The following ATP8B4 variants were observed in gnomAD, a reference collection of about 807,000 sequenced individuals.
ATP8B4 encodes the protein probable phospholipid-transporting ATPase IM.
ATP8B4 carries 133 observed loss-of-function variants against 145.6 expected under a neutral mutation model. The observed-to-expected ratio is 0.91, with a 90% CI of 0.79 to 1.05. ATP8B4 has a LOEUF of 1.05. Among genes scored for constraint, ATP8B4 ranks in the 50% least tolerant of loss-of-function variants. The pLI, the probability that ATP8B4 is intolerant of heterozygous loss-of-function variation, is 0.00. For synonymous variants in ATP8B4, 507 were observed against 492.9 expected, an observed-to-expected ratio of 1.03 and a Z score of -0.38; for missense variants, 1,458 against 1,425.2, an observed-to-expected ratio of 1.02 and a Z score of -0.37.
At chr15:50,087,570 T>A (rs115453169) in intron 2 of ATP8B4, among the ~76,000 whole-genome samples, 379 of 151,644 alleles carry the variant, frequency 2.5e-3, no homozygotes, top group African/African-American at 8.7e-3. Context: ...TCTTTTTTCA[T>A]GGGGATTTCA....
chr15:50,120,254 C>T (rs1048567366), upstream of ATP8B4, among the ~76,000 whole-genome samples: 9 of 152,148 alleles, frequency 5.9e-5, no homozygotes, highest in Non-Finnish European at 1.3e-4. Context: ...GGGCCTTTTC[C>T]TACCAAGGTT....
At chr15:49,930,089 A>C (rs949642948) in intron 16 of ATP8B4, among the ~76,000 whole-genome samples, 1 of 152,092 alleles carries the variant, frequency 6.6e-6, no homozygotes, top group Non-Finnish European at 1.5e-5. Flanking sequence ...GGCTGAAGGA[A>C]GGAGCCAGTA....
intron 13 of ATP8B4, 29 bp downstream of exon 13, chr15:49,972,553 C>T (rs762317353): frequency 2.5e-6 from 4 of 1,588,274 alleles, no homozygotes; most frequent in African/African-American, 2.7e-5. Context: ...TTAACAATAT[C>T]GTTAAGAGAA....
chr15:50,085,346 TCA>T (rs562308415), intron 2 of ATP8B4, among the ~76,000 whole-genome samples: 99 of 152,272 alleles, frequency 6.5e-4, no homozygotes, highest in Non-Finnish European at 1.1e-3. Context: ...GTTCCTTCCA[TCA>T]CACTTTGCCT....
chr15:50,144,534 C>A (rs1198692738), intron 1 of ATP8B4, among the ~76,000 whole-genome samples: 2 of 152,102 alleles, frequency 1.3e-5, no homozygotes, highest in Admixed American at 1.3e-4. Flanking sequence ...ACTTACAAAA[C>A]CATCAGATCA....
chr15:49,934,998 C>G (rs1212419648), intron 14 of ATP8B4, among the ~76,000 whole-genome samples: 1 of 150,322 alleles, frequency 6.7e-6, no homozygotes, highest in Non-Finnish European at 1.5e-5. Flanking sequence ...ACTGCATTAA[C>G]TTTTGCAATT....
At chr15:49,953,218 G>A (rs1283165616) in intron 14 of ATP8B4, among the ~76,000 whole-genome samples, 5 of 152,050 alleles carry the variant, frequency 3.3e-5, no homozygotes, top group Admixed American at 3.3e-4. Flanking sequence ...CCCATTTAAC[G>A]AAGCACTTTG....
intron 1 of ATP8B4, among the ~76,000 whole-genome samples, chr15:50,179,368 G>A (rs1474061953): frequency 1.3e-5 from 2 of 152,122 alleles, no homozygotes; most frequent in East Asian, 1.9e-4. Flanking sequence ...AAAGGAGTCA[G>A]GCAGAAGCCA....
intron 3 of ATP8B4, among the ~76,000 whole-genome samples, chr15:50,050,401 A>G (rs1286106437): frequency 3.9e-5 from 6 of 152,240 alleles, no homozygotes; most frequent in Non-Finnish European, 8.8e-5. Context: ...TACATAAATC[A>G]CTATTAAATC....
intron 1 of ATP8B4, among the ~76,000 whole-genome samples, chr15:50,130,563 T>G (rs188548193): frequency 1.3e-3 from 201 of 151,842 alleles, no homozygotes; most frequent in Non-Finnish European, 2.4e-3. Flanking sequence ...GATCACAAGG[T>G]CAGGAGATCG....
chr15:50,075,298 AG>A lies in ATP8B4; in HGVS notation c.29-1114del, dbSNP rs201542179. On this transcript the variant is annotated intron_variant, in intron 2 of 27. Coordinates refer to ENST00000284509, the MANE Select transcript of ATP8B4 (RefSeq NM_024837.4). ...AGATGAAGAGGGAGAGAAGGAAGGA[AG>A]GAATATATTTCAGCACCCACCTCTT... is the stretch of plus-strand genomic sequence containing the variant. Among the ~76,000 whole-genome samples, 62 of 152,098 alleles carry A rather than the reference AG, an allele frequency of 4.1e-4. No homozygotes were observed. In the East Asian group the frequency reaches 0.01, roughly 25 times the overall value.
chr15:49,973,495 G>A (rs1337164353), intron 12 of ATP8B4, among the ~76,000 whole-genome samples: 1 of 152,174 alleles, frequency 6.6e-6, no homozygotes, highest in South Asian at 2.1e-4. Context: ...TTTGCCAAAA[G>A]AGATAGAAAA....
intron 7 of ATP8B4, among the ~76,000 whole-genome samples, chr15:50,010,249 T>C (rs947625672): frequency 6.6e-6 from 1 of 152,130 alleles, no homozygotes; most frequent in African/African-American, 2.4e-5. Flanking sequence ...GTTAGTTGCA[T>C]ATATTTTAGT....
intron 1 of ATP8B4, among the ~76,000 whole-genome samples, chr15:50,145,571 G>A (rs1359917606): frequency 6.6e-6 from 1 of 152,164 alleles, no homozygotes; most frequent in Non-Finnish European, 1.5e-5. Context: ...TATTCTTGGA[G>A]TGTTACTGCC....
chr15:50,050,100 C>T (rs937209127), intron 3 of ATP8B4, among the ~76,000 whole-genome samples: 4 of 152,198 alleles, frequency 2.6e-5, no homozygotes, highest in African/African-American at 9.6e-5. Flanking sequence ...CTGACTCAGA[C>T]ATTCCCAAAC....
At chr15:49,974,768 C>T (rs1177220672) in intron 12 of ATP8B4, among the ~76,000 whole-genome samples, 2 of 152,054 alleles carry the variant, frequency 1.3e-5, no homozygotes, top group African/African-American at 4.8e-5. Context: ...ATATGAGGAG[C>T]AAATTTCAAG....
At chr15:49,863,100 T>A (rs1247159183) in intron 26 of ATP8B4, among the ~76,000 whole-genome samples, 1 of 152,206 alleles carries the variant, frequency 6.6e-6, no homozygotes, top group Non-Finnish European at 1.5e-5. Flanking sequence ...ATTGATTGGC[T>A]TGTCATAAAA....
chr15:50,111,034 A>C (rs563693233), intron 1 of ATP8B4, among the ~76,000 whole-genome samples: 7 of 152,340 alleles, frequency 4.6e-5, no homozygotes, highest in African/African-American at 1.7e-4. Context: ...AGTTGGTTTT[A>C]GACACCTTGA....
At chr15:49,919,750 T>C (rs1365284525) in intron 18 of ATP8B4, among the ~76,000 whole-genome samples, 1 of 152,094 alleles carries the variant, frequency 6.6e-6, no homozygotes, top group Non-Finnish European at 1.5e-5. Context: ...CAAAGCATAC[T>C]CTCTAGTACC....
Sources: allele counts gnomAD v4.1 joint callset (sites outside exome capture counted in the v4.1 genomes callset), GRCh38; gene constraint gnomAD v4.1.1; transcripts MANE v1.5; gene names NCBI Gene and HGNC (gene_info 2026-07-23, HGNC 2026-07-21).